FBXO22: variants seen among roughly 807,000 people sequenced by gnomAD.
FBXO22 encodes the protein F-box only protein 22.
Under a neutral mutation model 37.2 loss-of-function variants are expected in FBXO22, and 13 were observed. The ratio of observed to expected loss-of-function variants is 0.35; its 90% confidence interval spans 0.23 to 0.56. FBXO22 has a LOEUF of 0.56. Ranked by LOEUF, FBXO22 falls within the 20% of genes least tolerant of loss-of-function variation. The probability of loss-of-function intolerance (pLI) is 0.87; values close to 1 mark genes in which losing one functional copy is unlikely to be tolerated. For synonymous variants in FBXO22, 189 were observed against 189.1 expected (o/e 1.00, Z 0.00); for missense variants, 446 against 509.9 (o/e 0.87, Z 1.21).
chr15:75,913,368 C>T (rs1297166941), intron 3 of FBXO22, 78 bp downstream of exon 3: 2 of 963,894 alleles, frequency 2.1e-6, no homozygotes, highest in Non-Finnish European at 3.2e-6. Context: ...TTATACTTGT[C>T]CTGAGAGTTA....
intron 4 of FBXO22, among the ~76,000 whole-genome samples, chr15:75,915,864 C>T (rs921717931): frequency 1.3e-5 from 2 of 149,688 alleles, no homozygotes; most frequent in African/African-American, 4.9e-5. Flanking sequence ...CACGCCATTG[C>T]ACTCCATCCT....
rs766823327 is a variant in FBXO22, at chr15:75,917,257, G to C, written c.491G>C (p.Arg164Pro). The part of the protein sequence containing the change: ...VVTPMGSGSN[R>P]PQEIEIGESG... ...ACTCCAATGGGATCAGGTAGCAATC[G>C]ACCTCAGGAAATAGAAATTGGAGAA... The change falls in exon 5 of 7, where the codon CGA becomes CCA. Residue 164 changes from arginine to proline, a missense_variant. By Grantham distance (103) the Arg-to-Pro change is moderately radical. Coordinates refer to ENST00000308275, the MANE Select transcript of FBXO22 (RefSeq NM_147188.3). 2.5e-6 allele frequency: 4 copies of C among 1,612,244 alleles called. No homozygotes were observed. Among genetic ancestry groups the C allele is most frequent in the Non-Finnish European group, 3.4e-6 (4 of 1,179,362 alleles).
At chr15:75,917,093 C>A in intron 4 of FBXO22, 137 bp from the exon 5 acceptor site, 1 of 618,740 alleles carries the variant, frequency 1.6e-6, no homozygotes, top group South Asian at 2.3e-5. Flanking sequence ...CATGACACTA[C>A]ACCCTAAAAC....
intron 5 of FBXO22, among the ~76,000 whole-genome samples, chr15:75,928,765 C>T (rs191902479): frequency 5.8e-4 from 88 of 152,274 alleles, no homozygotes; most frequent in Non-Finnish European, 3.5e-4. Context: ...TATAAACAAG[C>T]TGCCAGAGGC....
At chr15:75,905,129 G>A (rs1401981948) in intron 2 of FBXO22, among the ~76,000 whole-genome samples, 1 of 152,142 alleles carries the variant, frequency 6.6e-6, no homozygotes, top group African/African-American at 2.4e-5. Context: ...GGCATGTTGG[G>A]CCTTTTAAGT....
chr15:75,905,566 T>A (rs1595909649), intron 2 of FBXO22: 1 of 152,360 alleles, frequency 6.6e-6, no homozygotes, highest in East Asian at 1.9e-4. Flanking sequence ...ATTTCTACCA[T>A]TTTATCCTCA....
intron 5 of FBXO22, among the ~76,000 whole-genome samples, chr15:75,920,780 G>A (rs889176205): frequency 6.6e-6 from 1 of 152,054 alleles, no homozygotes; most frequent in Non-Finnish European, 1.5e-5. Flanking sequence ...CTGAAGTCAC[G>A]CCACTCTACT....
At position 75,941,874 on chromosome 15, in the gene FBXO22, T is replaced by C. The variant is rs1342225398; in HGVS notation, c.*8772T>C. 8.9e-5 allele frequency: 13 copies of C among 145,602 alleles called. No individual in the cohort carries two copies. Among genetic ancestry groups the C allele is most frequent in the Non-Finnish European group, 1.3e-4 (9 of 67,314 alleles). 9.0% of individuals were successfully genotyped at this position (145,602 alleles called of 1,614,324 possible). ...ACGAATGTATTTAATGCCTTTAAACTGTAACTTCAAAATGGTTAAAATTTA... is the reference window on the plus strand; with the variant it reads ...ACGAATGTATTTAATGCCTTTAAACCGTAACTTCAAAATGGTTAAAATTTA... On this transcript the variant is annotated 3_prime_UTR_variant, in exon 7 of 7. Coordinates refer to ENST00000308275, the MANE Select transcript of FBXO22 (RefSeq NM_147188.3).
At chr15:75,904,999 A>G (rs1165727239) in intron 2 of FBXO22, among the ~76,000 whole-genome samples, 12 of 151,736 alleles carry the variant, frequency 7.9e-5, no homozygotes, top group Admixed American at 6.6e-4. Context: ...AATTTTTTGT[A>G]TTTTTAGTAG....
chr15:75,921,091 T>C (rs1900312981), intron 5 of FBXO22, among the ~76,000 whole-genome samples: 1 of 152,168 alleles, frequency 6.6e-6, no homozygotes, highest in Non-Finnish European at 1.5e-5. Context: ...ACTACAAACA[T>C]GGACAGCATG....
At position 75,933,831 on chromosome 15, in the gene FBXO22, G is replaced by A; in HGVS notation, c.*729G>A. The stretch of plus-strand genomic sequence containing the variant: ...TAAAACATAGCGTGGAACTCATTCA[G>A]GTAATGTTTTGCATTTCATTGCTTT... On this transcript the variant is annotated 3_prime_UTR_variant, in exon 7 of 7. Transcript: ENST00000308275. The A allele has an allele frequency of 5.3e-6, 1 of 189,314 alleles. No homozygotes were observed. The highest frequency in any genetic ancestry group is 1.1e-5 in the Non-Finnish European group (1 of 87,916). 11.7% of individuals were successfully genotyped at this position (189,314 alleles called of 1,614,324 possible).
At chr15:75,929,789 T>C in intron 5 of FBXO22, 95 bp from the exon 6 acceptor site, 3 of 1,464,132 alleles carry the variant, frequency 2.0e-6, no homozygotes, top group Non-Finnish European at 2.8e-6. Context: ...GCCCTTAAGG[T>C]GGAGTGCAAG....
At chr15:75,920,491 T>C (rs1900293222) in intron 5 of FBXO22, among the ~76,000 whole-genome samples, 1 of 152,164 alleles carries the variant, frequency 6.6e-6, no homozygotes, top group Admixed American at 6.5e-5. Flanking sequence ...GAGATGACTA[T>C]CTATATTCAA....
At chr15:75,928,543 C>T (rs977697657) in intron 5 of FBXO22, among the ~76,000 whole-genome samples, 2 of 151,998 alleles carry the variant, frequency 1.3e-5, no homozygotes, top group South Asian at 2.1e-4. Context: ...GAGAATACAT[C>T]GACGCAAAGA....
chr15:75,935,088 T>G lies in FBXO22; in HGVS notation c.*1986T>G, dbSNP rs2030227059. The stretch of plus-strand genomic sequence containing the variant: ...CAAAGTAAAAAGGGAAAAGTTGACC[T>G]AATAGAAACAATAGTAGTATTGATA... On this transcript the variant is annotated 3_prime_UTR_variant, in exon 7 of 7. Transcript: ENST00000308275. 6.6e-6 allele frequency: 1 copy of G among 152,184 alleles called. No homozygotes were observed. Among genetic ancestry groups the G allele is most frequent in the Non-Finnish European group, 1.5e-5 (1 of 68,024 alleles). 9.4% of individuals were successfully genotyped at this position (152,184 alleles called of 1,614,324 possible). A position where few individuals can be genotyped will look rare whatever the true frequency, so the allele number is the denominator to read the frequency against.
intron 2 of FBXO22, among the ~76,000 whole-genome samples, chr15:75,905,367 C>A (rs1899904584): frequency 6.6e-6 from 1 of 152,138 alleles, no homozygotes; most frequent in African/African-American, 2.4e-5. Context: ...GAGCCAACAC[C>A]AGGAGAGATG....
chr15:75,928,149 T>G (rs1352046005), intron 5 of FBXO22, among the ~76,000 whole-genome samples: 1 of 152,108 alleles, frequency 6.6e-6, no homozygotes, highest in Non-Finnish European at 1.5e-5. Context: ...ACACTGTCGG[T>G]GGGAGTGTAA....
chr15:75,912,037 C>T (rs971364890), intron 2 of FBXO22, among the ~76,000 whole-genome samples: 2 of 151,286 alleles, frequency 1.3e-5, no homozygotes, highest in Admixed American at 6.6e-5. Flanking sequence ...TTTTTGTCAT[C>T]GGTTCTGTTT....
rs1478274055 is a variant in FBXO22, at chr15:75,940,029, G to A, written c.*6927G>A. On this transcript the variant is annotated 3_prime_UTR_variant, in exon 7 of 7. Coordinates refer to ENST00000308275, the MANE Select transcript of FBXO22 (RefSeq NM_147188.3). ...TCTAGCCTGAGCTAGAAAAAGAAAAGACATCTAAGTTGGAAAGTAAGAAGT... is the reference window on the plus strand; with the variant it reads ...TCTAGCCTGAGCTAGAAAAAGAAAAAACATCTAAGTTGGAAAGTAAGAAGT... 6.6e-6 allele frequency: 1 copy of A among 150,710 alleles called. No homozygotes were observed. Among genetic ancestry groups the A allele is most frequent in the Non-Finnish European group, 1.5e-5 (1 of 67,758 alleles). The allele number at this position is 150,710 out of a possible 1,614,324, so 9.3% of individuals were successfully genotyped here.
Sources: gnomAD v4.1 joint callset for allele counts (sites outside exome capture counted in the v4.1 genomes callset) on GRCh38, gnomAD v4.1.1 for gene constraint, MANE v1.5 for transcripts, NCBI Gene and HGNC (gene_info 2026-07-23, HGNC 2026-07-21) for gene names.